Variants in VPS8 observed in about 807,000 individuals in gnomAD.
VPS8 encodes the protein vacuolar protein sorting-associated protein 8 homolog.
A neutral mutation model predicts 216.4 loss-of-function variants in VPS8; 129 were observed. That is an observed-to-expected ratio of 0.60 (90% confidence interval 0.52 to 0.69). VPS8 has a LOEUF of 0.69. VPS8 is among the 30% of genes least tolerant of loss of function. The pLI, the probability that VPS8 is intolerant of heterozygous loss-of-function variation, is 0.00. For missense variants in VPS8, 1,531 were observed against 1,683.5 expected, an observed-to-expected ratio of 0.91 and a Z score of 1.59; for synonymous variants, 571 against 565.4, an observed-to-expected ratio of 1.01 and a Z score of -0.14.
At chr3:184,936,400 C>T in intron 35 of VPS8, 65 bp downstream of exon 35, 1 of 1,396,906 alleles carries the variant, frequency 7.2e-7, no homozygotes, top group Non-Finnish European at 9.9e-7. Flanking sequence ...AAATCGTCAC[C>T]TAAGAAGTTT....
At chr3:184,981,073 G>T (rs555685790) in intron 40 of VPS8, among the ~76,000 whole-genome samples, 21 of 152,258 alleles carry the variant, frequency 1.4e-4, no homozygotes, top group African/African-American at 4.6e-4. Context: ...GATTTCAGGG[G>T]GCCAAGGCTC....
chr3:184,964,410 C>T (rs1747046449), intron 37 of VPS8, 58 bp from the exon 38 acceptor site: 2 of 1,113,242 alleles, frequency 1.8e-6, no homozygotes, highest in Admixed American at 2.9e-5. Flanking sequence ...TCAATGGGAT[C>T]TTCCCACTCC....
intron 45 of VPS8, among the ~76,000 whole-genome samples, chr3:185,017,786 A>C (rs910188658): frequency 1.3e-5 from 2 of 152,078 alleles, no homozygotes; most frequent in Non-Finnish European, 1.5e-5. Context: ...TACGGGGGTG[A>C]GGGAATGGCC....
At chr3:184,845,282 T>A (rs1204479356) in intron 8 of VPS8, among the ~76,000 whole-genome samples, 2 of 152,210 alleles carry the variant, frequency 1.3e-5, no homozygotes, top group Non-Finnish European at 2.9e-5. Flanking sequence ...TATGTTTATT[T>A]TGGTCAAATA....
chr3:185,035,873 C>T (rs1480612057), intron 46 of VPS8, among the ~76,000 whole-genome samples: 1 of 152,148 alleles, frequency 6.6e-6, no homozygotes, highest in Non-Finnish European at 1.5e-5. Flanking sequence ...AAGACTCTGC[C>T]AGAGGCTCCT....
chr3:184,860,382 TAC>T (rs1726075943), intron 15 of VPS8, among the ~76,000 whole-genome samples: 1 of 151,332 alleles, frequency 6.6e-6, no homozygotes, highest in Admixed American at 6.6e-5. Flanking sequence ...TGTATATATA[TAC>T]GTATATATAT....
At chr3:184,876,233 TTTAC>T (rs899089771) in intron 21 of VPS8, among the ~76,000 whole-genome samples, 5 of 152,204 alleles carry the variant, frequency 3.3e-5, no homozygotes, top group African/African-American at 1.2e-4. Context: ...CTTCCTTTTC[TTTAC>T]TTAACCAAGA....
At chr3:184,870,658 A>C (rs979801639) in intron 20 of VPS8, 58 bp from the exon 21 acceptor site, 16 of 1,298,796 alleles carry the variant, frequency 1.2e-5, no homozygotes, top group Non-Finnish European at 1.7e-5. Context: ...AGCCACATAC[A>C]TATTGAAAAA....
chr3:184,821,487 G>C (rs893452399), intron 1 of VPS8, among the ~76,000 whole-genome samples: 13 of 151,934 alleles, frequency 8.6e-5, no homozygotes, highest in African/African-American at 3.1e-4. Flanking sequence ...GGGACTACAG[G>C]CACACGCCAC....
intron 6 of VPS8, 160 bp from the exon 7 acceptor site, chr3:184,839,538 T>A: frequency 1.6e-6 from 1 of 634,204 alleles, no homozygotes; most frequent in Non-Finnish European, 2.6e-6. Context: ...ATGTCCTGAG[T>A]TTCATTTCCC....
chr3:184,941,835 G>A (rs991517336), intron 36 of VPS8, among the ~76,000 whole-genome samples: 1 of 151,974 alleles, frequency 6.6e-6, no homozygotes, highest in African/African-American at 2.4e-5. Flanking sequence ...ACAGGGGAAG[G>A]TCAGCTTTGA....
chr3:184,966,020 A>C (rs1747351547), intron 38 of VPS8, among the ~76,000 whole-genome samples: 1 of 152,176 alleles, frequency 6.6e-6, no homozygotes, highest in Non-Finnish European at 1.5e-5. Flanking sequence ...CTCTAGAGGA[A>C]TACTTGAGGC....
At chr3:184,904,212 C>T (rs750268413) in intron 25 of VPS8, among the ~76,000 whole-genome samples, 4 of 152,056 alleles carry the variant, frequency 2.6e-5, no homozygotes, top group Non-Finnish European at 4.4e-5. Flanking sequence ...AATATAGATG[C>T]CTTTCTTTTT....
intron 34 of VPS8, among the ~76,000 whole-genome samples, chr3:184,933,682 G>T (rs116451715): frequency 0.012 from 1,761 of 152,186 alleles, 40 homozygotes; most frequent in African/African-American, 0.04. Context: ...GTCGAGTTAA[G>T]TTTTTAGAAT....
chr3:184,814,425 T>C (rs1577673207), intron 1 of VPS8, among the ~76,000 whole-genome samples: 1 of 152,234 alleles, frequency 6.6e-6, no homozygotes, highest in East Asian at 1.9e-4. Context: ...TTTGTCATTG[T>C]GCATGCATCA....
chr3:185,017,503 T>C (rs1424470839), intron 45 of VPS8, among the ~76,000 whole-genome samples: 2 of 152,240 alleles, frequency 1.3e-5, no homozygotes, highest in Admixed American at 6.5e-5. Context: ...AGCTGTGCCA[T>C]ACACTGTCCT....
chr3:185,050,123 A>AATTTT (rs1553916150), intron 47 of VPS8, among the ~76,000 whole-genome samples: 4 of 139,386 alleles, frequency 2.9e-5, no homozygotes, highest in African/African-American at 1.0e-4. Context: ...CTGGGAAATA[A>AATTTT]TTTTTTTTTT....
chr3:184,840,716 A>AAAT lies in VPS8; in HGVS notation c.535+979_535+981dup, dbSNP rs967378400. Among the ~76,000 whole-genome samples, 479 of 152,062 alleles carry AAAT rather than the reference A, an allele frequency of 3.2e-3. 4 individuals carry two copies. Among genetic ancestry groups the AAAT allele is most frequent in the African/African-American group, 9.5e-3 (393 of 41,436 alleles). On this transcript the variant is annotated intron_variant, in intron 7 of 47. Coordinates refer to ENST00000625842, the MANE Select transcript of VPS8 (RefSeq NM_001009921.3). ...AACACAGTGAGACTCCACCTCAAAA[A>AAAT]AATAATAATAATAATAAACAAAAAA...
intron 43 of VPS8, among the ~76,000 whole-genome samples, chr3:184,994,540 T>C (rs1356289118): frequency 6.6e-6 from 1 of 152,070 alleles, no homozygotes; most frequent in Non-Finnish European, 1.5e-5. Context: ...CACACACACA[T>C]TTCAGAATGT....
Sources: allele counts gnomAD v4.1 joint callset (sites outside exome capture counted in the v4.1 genomes callset), GRCh38; gene constraint gnomAD v4.1.1; transcripts MANE v1.5; gene names NCBI Gene and HGNC (gene_info 2026-07-23, HGNC 2026-07-21).